KCNQ3: variants seen among roughly 807,000 people sequenced by gnomAD.
KCNQ3 encodes potassium voltage-gated channel subfamily Q member 3.
A neutral mutation model predicts 92.5 loss-of-function variants in KCNQ3; 30 were observed. That is an observed-to-expected ratio of 0.32 (90% CI 0.24 to 0.44). The LOEUF (loss-of-function observed/expected upper bound fraction) is 0.44. KCNQ3 is among the 20% of genes least tolerant of loss of function. The probability of loss-of-function intolerance (pLI) is 1.00; values close to 1 mark genes in which losing one functional copy is unlikely to be tolerated. For synonymous variants in KCNQ3, 450 were observed against 468.8 expected (o/e 0.96, Z 0.52); for missense variants, 913 against 1,140.3 (o/e 0.80, Z 2.87).
chr8:132,388,244 T>C (rs762353361), intron 1 of KCNQ3, among the ~76,000 whole-genome samples: 11 of 152,212 alleles, frequency 7.2e-5, no homozygotes, highest in Non-Finnish European at 1.5e-4. Flanking sequence ...GCTCGTTAAA[T>C]TTTAAATGGA....
chr8:132,224,896 C>T (rs1042308514), intron 1 of KCNQ3, among the ~76,000 whole-genome samples: 7 of 152,080 alleles, frequency 4.6e-5, no homozygotes, highest in African/African-American at 1.7e-4. Flanking sequence ...GGGAAAGGGT[C>T]GGGTCTTGTT....
At chr8:132,472,741 A>G (rs1191301862) in intron 1 of KCNQ3, among the ~76,000 whole-genome samples, 1 of 152,198 alleles carries the variant, frequency 6.6e-6, no homozygotes, top group Non-Finnish European at 1.5e-5. Context: ...GTATAATTCA[A>G]AACAGCTAAG....
At chr8:132,167,412 G>A (rs770147389) in intron 8 of KCNQ3, among the ~76,000 whole-genome samples, 5 of 152,126 alleles carry the variant, frequency 3.3e-5, no homozygotes, top group Admixed American at 6.5e-5. Context: ...CTTTAAAAGG[G>A]TACCTTTTAT....
chr8:132,213,748 GCA>G (rs1813940159), intron 1 of KCNQ3, among the ~76,000 whole-genome samples: 1 of 152,122 alleles, frequency 6.6e-6, no homozygotes, highest in Non-Finnish European at 1.5e-5. Context: ...GAAAACCATC[GCA>G]GTCACAGTAA....
intron 9 of KCNQ3, among the ~76,000 whole-genome samples, chr8:132,158,720 T>A (rs1825886237): frequency 6.6e-6 from 1 of 152,216 alleles, no homozygotes. Flanking sequence ...AAAATGGGGA[T>A]TAAAAATAGT....
rs1413134884 is a variant in KCNQ3 at position 132,480,971 on chromosome 8, C to G, written c.-439G>C. 6.5e-6 allele frequency: 1 copy of G among 154,930 alleles called. No homozygotes were observed. The allele number at this position is 154,930 out of a possible 1,614,324, so 9.6% of individuals were successfully genotyped here. On this transcript the variant is annotated 5_prime_UTR_variant, in exon 1 of 15. Coordinates refer to ENST00000388996, the MANE Select transcript of KCNQ3 (RefSeq NM_004519.4). ...TGCCAGCCGCCCTCCCGCCCGCCAG[C>G]CACACGCGCCGCCGCCGCCGCCTCC...
chr8:132,434,730 G>T (rs1821347939), intron 1 of KCNQ3, among the ~76,000 whole-genome samples: 1 of 152,204 alleles, frequency 6.6e-6, no homozygotes, highest in Admixed American at 6.5e-5. Flanking sequence ...GAGAGCAATA[G>T]TTAGACATGG....
At chr8:132,147,019 C>T (rs1009578676) in intron 9 of KCNQ3, among the ~76,000 whole-genome samples, 1 of 152,074 alleles carries the variant, frequency 6.6e-6, no homozygotes, top group South Asian at 2.1e-4. Context: ...TATCTGACTA[C>T]AATTTTAAAA....
chr8:132,227,144 C>A (rs1814455881), intron 1 of KCNQ3, among the ~76,000 whole-genome samples: 1 of 150,612 alleles, frequency 6.6e-6, no homozygotes, highest in Admixed American at 6.6e-5. Context: ...CTCACTGCAA[C>A]CTCTGACTCC....
chr8:132,149,736 C>T lies in KCNQ3; in HGVS notation c.1263-8405G>A, dbSNP rs146024614. 3.8e-3 allele frequency among the ~76,000 whole-genome samples: 586 copies of T among 152,266 alleles called. 4 individuals carry two copies. The highest frequency in any genetic ancestry group is 0.013 in the African/African-American group (558 of 41,554). Reference sequence around the variant, plus strand: ...CAGCTGCCTGTCCCTGCTTCCCTACCGACTGGAGTGCATGGCTGTAGTGTG... The same window carrying T: ...CAGCTGCCTGTCCCTGCTTCCCTACTGACTGGAGTGCATGGCTGTAGTGTG... On this transcript the variant is annotated intron_variant, in intron 9 of 14. Transcript: ENST00000388996.
Position 132,447,203 on chromosome 8 carries a change from C to T in KCNQ3, c.386+32944G>A, listed in dbSNP as rs922121305. ...AAAATGAGAATCCAAAGACTTACAT[C>T]GTGGCGTGTTCTGCAGGCTTCATAA... On this transcript the variant is annotated intron_variant, in intron 1 of 14. Coordinates refer to ENST00000388996, the MANE Select transcript of KCNQ3 (RefSeq NM_004519.4). 4.6e-5 allele frequency: 71 copies of T among 1,535,162 alleles called. No individual in the cohort carries two copies. Among genetic ancestry groups the T allele is most frequent in the Non-Finnish European group, 5.8e-5 (66 of 1,146,576 alleles).
intron 1 of KCNQ3, among the ~76,000 whole-genome samples, chr8:132,448,012 G>C (rs1821726294): frequency 6.6e-6 from 1 of 152,156 alleles, no homozygotes; most frequent in Admixed American, 6.5e-5. Flanking sequence ...GGGGGCTGTT[G>C]TGAGGATTGA....
At position 132,166,812 on chromosome 8, in the gene KCNQ3, C is replaced by T. The variant is rs552687136; in HGVS notation, c.1236-3318G>A. Among the ~76,000 whole-genome samples, 18 of 152,290 alleles carry T rather than the reference C, an allele frequency of 1.2e-4. No homozygotes were observed. In the South Asian group the frequency reaches 2.5e-3, roughly 21 times the overall value. ...ATGGCATCATGTTGCAGATGGGCTA[C>T]GCAACTTCATCCTTCCAAACCTTTG... On this transcript the variant is annotated intron_variant, in intron 8 of 14. Transcript: ENST00000388996.
At chr8:132,308,689 T>C (rs895187596) in intron 1 of KCNQ3, among the ~76,000 whole-genome samples, 1 of 152,202 alleles carries the variant, frequency 6.6e-6, no homozygotes, top group African/African-American at 2.4e-5. Flanking sequence ...GCGCTGACAC[T>C]GGGGCAGCCG....
intron 1 of KCNQ3, among the ~76,000 whole-genome samples, chr8:132,271,057 G>A (rs1421739049): frequency 1.3e-5 from 2 of 152,224 alleles, no homozygotes; most frequent in East Asian, 3.8e-4. Flanking sequence ...ATTGTGCCCT[G>A]ATGATGTGGA....
At chr8:132,413,484 A>G (rs994880307) in intron 1 of KCNQ3, among the ~76,000 whole-genome samples, 10 of 152,128 alleles carry the variant, frequency 6.6e-5, no homozygotes, top group African/African-American at 2.4e-4. Context: ...TTAAATACCT[A>G]CTCTATGTAG....
At position 132,471,366 on chromosome 8, in the gene KCNQ3, G is replaced by A. The variant is rs1035117985; in HGVS notation, c.386+8781C>T. On this transcript the variant is annotated intron_variant, in intron 1 of 14. Transcript: ENST00000388996. ...TAACTTCTCTTATTCATTTGTAAAC[G>A]CGAGCCACTGGTCACCCTCCAAGTC... Among the ~76,000 whole-genome samples, 4 of 152,210 alleles carry A rather than the reference G, an allele frequency of 2.6e-5. No individual in the cohort carries two copies. The East Asian group carries it at 5.8e-4, about 22-fold the overall frequency.
intron 1 of KCNQ3, among the ~76,000 whole-genome samples, chr8:132,210,188 G>A (rs890567563): frequency 1.3e-5 from 2 of 152,248 alleles, no homozygotes; most frequent in South Asian, 2.1e-4. Context: ...ATGCTGGTCT[G>A]GTTTTTAAAC....
chr8:132,273,127 G>T (rs912057130), intron 1 of KCNQ3, among the ~76,000 whole-genome samples: 3 of 152,144 alleles, frequency 2.0e-5, no homozygotes, highest in Non-Finnish European at 4.4e-5. Context: ...CTATGTGGGG[G>T]CTCTGACCCC....
Sources: gnomAD v4.1 joint callset for allele counts (sites outside exome capture counted in the v4.1 genomes callset) on GRCh38, gnomAD v4.1.1 for gene constraint, MANE v1.5 for transcripts, NCBI Gene and HGNC (gene_info 2026-07-23, HGNC 2026-07-21) for gene names.